Variants in IFT172 observed in about 807,000 individuals in gnomAD.
The protein encoded by IFT172 is intraflagellar transport 172, also known as intraflagellar transport protein 172 homolog.
Under a neutral mutation model 248.9 loss-of-function variants are expected in IFT172, and 164 were observed. That is an observed-to-expected ratio of 0.66 (90% CI 0.58 to 0.75). The LOEUF (loss-of-function observed/expected upper bound fraction) is 0.75. IFT172 is among the 30% of genes least tolerant of loss of function. The pLI is 0.00. For missense variants in IFT172, 1,950 were observed against 2,192.4 expected (o/e 0.89, Z 2.21); for synonymous variants, 729 against 791.6 (o/e 0.92, Z 1.33).
chr2:27,444,655 T>C, intron 47 of IFT172, 134 bp from the exon 48 acceptor site: 1 of 709,136 alleles, frequency 1.4e-6, no homozygotes, highest in South Asian at 1.8e-5. Flanking sequence ...TGTGGGTTTT[T>C]TGTTTGTTTT....
intron 7 of IFT172, among the ~76,000 whole-genome samples, chr2:27,482,840 G>A (rs889591029): frequency 6.6e-6 from 1 of 151,852 alleles, no homozygotes; most frequent in African/African-American, 2.4e-5. Flanking sequence ...GTAAGCTCCA[G>A]GCTCCTAAAC....
chr2:27,456,798 A>G (rs1666199559), intron 29 of IFT172, 145 bp from the exon 30 acceptor site: 2 of 1,216,386 alleles, frequency 1.6e-6, no homozygotes, highest in Admixed American at 5.6e-5. Context: ...TAATCCCAGC[A>G]TTTTGGGAGG....
chr2:27,446,091 G>C, intron 43 of IFT172, 103 bp from the exon 44 acceptor site: 1 of 1,467,472 alleles, frequency 6.8e-7, no homozygotes, highest in Middle Eastern at 1.7e-4. Context: ...GGGCTTGAAT[G>C]CTATTTCTCT....
intron 30 of IFT172, 24 bp downstream of exon 30, chr2:27,456,487 T>G (rs1666174574): frequency 6.2e-7 from 1 of 1,605,156 alleles, no homozygotes; most frequent in South Asian, 1.1e-5. Flanking sequence ...ATGGGGCCCG[T>G]GGAGAGAAAG....
chr2:27,466,158 T>C (rs1667075898), intron 16 of IFT172: 1 of 400,694 alleles, frequency 2.5e-6, no homozygotes, highest in African/African-American at 2.0e-5. Flanking sequence ...GAGTAAGATA[T>C]TCTTAAGGGA....
chr2:27,473,084 C>T (rs1000276261), intron 14 of IFT172, among the ~76,000 whole-genome samples: 4 of 151,826 alleles, frequency 2.6e-5, no homozygotes, highest in Admixed American at 6.6e-5. Flanking sequence ...AAAGTAAAAT[C>T]GGCAGGGCAT....
chr2:27,485,619 A>G (rs939840532), intron 1 of IFT172, 116 bp from the exon 2 acceptor site: 1 of 1,242,816 alleles, frequency 8.0e-7, no homozygotes, highest in Non-Finnish European at 1.1e-6. Context: ...TCACGGTTCT[A>G]TCCTCAAAAC....
At position 27,453,480 on chromosome 2, in the gene IFT172, G is replaced by A; in HGVS notation, c.3855C>T (p.His1285=). Residue 1285 remains histidine, a synonymous_variant, in exon 35 of 48, where the codon CAC becomes CAT. Coordinates refer to ENST00000260570, the MANE Select transcript of IFT172 (RefSeq NM_015662.3). The part of the protein sequence containing the change: ...GVEGFVEQAR[H]WEQAGEYSRA... Reference sequence around the variant, plus strand: ...GGCTGTACTCTCCAGCCTGCTCCCAGTGTCGAGCTTGTTCCACAAATCCCT... The same window carrying A: ...GGCTGTACTCTCCAGCCTGCTCCCAATGTCGAGCTTGTTCCACAAATCCCT... 6.2e-7 allele frequency: 1 copy of A among 1,614,168 alleles called. No homozygotes were observed. Among genetic ancestry groups the A allele is most frequent in the Non-Finnish European group, 8.5e-7 (1 of 1,180,016 alleles).
chr2:27,470,940 C>CA lies in IFT172; in HGVS notation c.1679dup (p.Met560IlefsTer5). Reference sequence around the variant, plus strand: ...GTGTCCAACATACCCTAATAGTGAACATGGTGACTCTCTCAGGTGCCTCAA... The same window carrying CA: ...GTGTCCAACATACCCTAATAGTGAACAATGGTGACTCTCTCAGGTGCCTCAA... On this transcript the variant is annotated frameshift_variant, in exon 16 of 48. Transcript: ENST00000260570. LOFTEE classifies it high-confidence loss of function. The CA allele has an allele frequency of 6.2e-7, 1 of 1,605,034 alleles. No homozygotes were observed.
rs747654101 is a variant in IFT172 at position 27,481,240 on chromosome 2, C to A, written c.591G>T (p.Pro197=). 6.2e-7 allele frequency: 1 copy of A among 1,611,906 alleles called. No individual in the cohort carries two copies. The highest frequency in any genetic ancestry group is 1.7e-5 in the Admixed American group (1 of 59,936). Residue 197 remains proline, a synonymous_variant, in exon 8 of 48, where the codon CCG becomes CCT. Coordinates refer to ENST00000260570, the MANE Select transcript of IFT172 (RefSeq NM_015662.3). ...GESQGKLVNH[P]CPPYALAWAT... Reference sequence around the variant, plus strand: ...CCCATGCCAAGGCATAGGGTGGACACGGGTGGTTAACCAACTTCCCCTAAG... The same window carrying A: ...CCCATGCCAAGGCATAGGGTGGACAAGGGTGGTTAACCAACTTCCCCTAAG...
At chr2:27,461,860 G>C in intron 20 of IFT172, 24 bp from the exon 21 acceptor site, 1 of 1,613,682 alleles carries the variant, frequency 6.2e-7, no homozygotes, top group Non-Finnish European at 8.5e-7. Context: ...GCAGAGCAGA[G>C]AGGGACACCA....
chr2:27,483,350 C>T lies in IFT172; in HGVS notation c.509G>A (p.Gly170Asp), dbSNP rs770113267. The T allele has an allele frequency of 8.1e-6, 13 of 1,607,180 alleles. No homozygotes were observed. Among genetic ancestry groups the T allele is most frequent in the Non-Finnish European group, 1.1e-5 (13 of 1,173,888 alleles). ...TNCSGKGILS[G>D]HADGTIVRYF... is the part of the protein sequence containing the mutation. ...CCTAACGATGGTACCATCTGCATGA[C>T]CAGAGAGAATTCCTTTCCCAGAGCA... is the stretch of plus-strand genomic sequence containing the variant. Residue 170 changes from glycine to aspartate, a missense_variant, in exon 7 of 48, where the codon GGT (glycine) becomes GAT (aspartate). Coordinates refer to ENST00000260570, the MANE Select transcript of IFT172 (RefSeq NM_015662.3).
In IFT172 at chr2:27,477,308, A is replaced by G. The variant is rs1455214961; in HGVS notation, c.1234T>C (p.Phe412Leu). The G allele has an allele frequency of 6.2e-7, 1 of 1,614,064 alleles. No homozygotes were observed. The highest frequency in any genetic ancestry group is 1.7e-5 in the Admixed American group (1 of 60,024). ...FFENENVCMI[F>L]NAGELTLVEY... is the part of the protein sequence containing the mutation. ...ACCAGGGTTAGCTCTCCGGCATTGA[A>G]GATCATGCATACCTGGGAAAAATGG... Residue 412 changes from phenylalanine to leucine, a missense_variant, in exon 13 of 48, where the codon TTC becomes CTC. Phe to Leu is a conservative substitution (Grantham distance 22). This residue lies in a region of IFT172 where 1,166 missense variants were observed against 1,254.1 expected (regional missense o/e 0.93). Coordinates refer to ENST00000260570, the MANE Select transcript of IFT172 (RefSeq NM_015662.3).
chr2:27,483,197 G>A lies in IFT172; in HGVS notation c.570+92C>T, dbSNP rs554733961. 6.6e-6 allele frequency: 5 copies of A among 755,258 alleles called. No individual in the cohort carries two copies. The East Asian group carries it at 9.9e-5, about 15-fold the overall frequency. 46.8% of individuals were successfully genotyped at this position (755,258 alleles called of 1,614,324 possible). On this transcript the variant is annotated intron_variant, in intron 7 of 47. Coordinates refer to ENST00000260570, the MANE Select transcript of IFT172 (RefSeq NM_015662.3). ...TTTTGTATTTATTTTTTGTTTTTTTGGTAGAGACAGGGTTTCACTGTGTTG... is the reference window on the plus strand; with the variant it reads ...TTTTGTATTTATTTTTTGTTTTTTTAGTAGAGACAGGGTTTCACTGTGTTG...
rs1235366375 is a variant in IFT172 at position 27,461,503 on chromosome 2, C to T, written c.2208G>A (p.Leu736=). 1.2e-6 allele frequency: 2 copies of T among 1,613,948 alleles called. No homozygotes were observed. The highest frequency in any genetic ancestry group is 2.7e-5 in the African/African-American group (2 of 74,900). The change falls in exon 22 of 48, where the codon CTG becomes CTA. Residue 736 remains leucine (L), a synonymous_variant. Coordinates refer to ENST00000260570, the MANE Select transcript of IFT172 (RefSeq NM_015662.3). ...AVAEAKGHPA[L]EKLRRSYYQW... is the part of the protein sequence containing the mutation. ...GGTAGTAACTACGACGTAGCTTCTCCAGGGCTGGGTGCCCCTGGACATGCA... is the reference window on the plus strand; with the variant it reads ...GGTAGTAACTACGACGTAGCTTCTCTAGGGCTGGGTGCCCCTGGACATGCA...
At chr2:27,475,647 G>T (rs1185825099) in intron 14 of IFT172, 1 of 152,052 alleles carries the variant, frequency 6.6e-6, no homozygotes, top group Non-Finnish European at 1.5e-5. Flanking sequence ...CCAGGGATAA[G>T]TGTATTTCAT....
At chr2:27,466,743 G>A (rs759925518) in intron 16 of IFT172, among the ~76,000 whole-genome samples, 1 of 152,128 alleles carries the variant, frequency 6.6e-6, no homozygotes, top group East Asian at 1.9e-4. Flanking sequence ...CGGGCTCGGT[G>A]GCTCATACCT....
At position 27,471,001 on chromosome 2, in the gene IFT172, G is replaced by A; in HGVS notation, c.1619C>T (p.Ala540Val). ...QWVPGSDVLV[A>V]QNRNSLCVWY... ...TACACACAGACTGTTTCGGTTCTGA[G>A]CTACCAGCACGTCACTTCCTGGGAC... is the stretch of plus-strand genomic sequence containing the variant. The change falls in exon 16 of 48, where the codon GCT (alanine) becomes GTT (valine). Residue 540 changes from alanine (A) to valine (V), a missense_variant. Around this residue, in one of 3 missense-constraint regions of IFT172, gnomAD observed 1,166 missense variants for 1,254.1 expected, o/e 0.93. Transcript: ENST00000260570. 1 of 1,614,012 alleles carries A rather than the reference G, an allele frequency of 6.2e-7. No individual in the cohort carries two copies.
chr2:27,470,288 A>C (rs1667458462), intron 16 of IFT172, among the ~76,000 whole-genome samples: 1 of 152,090 alleles, frequency 6.6e-6, no homozygotes, highest in Non-Finnish European at 1.5e-5. Flanking sequence ...AAAGAGAGGA[A>C]GAAAGAGTAA....
Sources: gnomAD v4.1 joint callset for allele counts (sites outside exome capture counted in the v4.1 genomes callset) on GRCh38, gnomAD v4.1.1 for gene constraint, gnomAD v4.1.1 regional missense constraint, MANE v1.5 for transcripts, NCBI Gene and HGNC (gene_info 2026-07-23, HGNC 2026-07-21) for gene names.